The following LRRC4C variants were observed in gnomAD, a reference collection of about 807,000 sequenced individuals.
LRRC4C encodes leucine rich repeat containing 4C, also known as leucine-rich repeat-containing protein 4C.
Under a neutral mutation model 33.6 loss-of-function variants are expected in LRRC4C, and 5 were observed. The ratio of observed to expected loss-of-function variants is 0.15; its 90% CI spans 0.08 to 0.31. LRRC4C has a LOEUF of 0.31. Among genes scored for constraint, LRRC4C ranks in the 10% least tolerant of loss-of-function variants. The probability of loss-of-function intolerance (pLI) is 1.00; values close to 1 mark genes in which losing one functional copy is unlikely to be tolerated. For missense variants in LRRC4C, 560 were observed against 796.7 expected (o/e 0.70, Z 3.58); for synonymous variants, 329 against 302.0 (o/e 1.09, Z -0.93).
chr11:40,925,123 T>TTC (rs56945447), intron 2 of LRRC4C, among the ~76,000 whole-genome samples: 8,235 of 149,446 alleles, frequency 0.055, 295 homozygotes, highest in South Asian at 0.14. Flanking sequence ...CCCCAAATAT[T>TTC]TCTCTCTCTC....
chr11:40,992,890 A>C (rs1853684133), intron 1 of LRRC4C, among the ~76,000 whole-genome samples: 3 of 152,142 alleles, frequency 2.0e-5, no homozygotes, highest in Admixed American at 2.0e-4. Context: ...CTGATCTGCC[A>C]GTACAGACAA....
At chr11:40,917,929 T>C (rs1485086476) in intron 2 of LRRC4C, among the ~76,000 whole-genome samples, 1 of 152,122 alleles carries the variant, frequency 6.6e-6, no homozygotes, top group Non-Finnish European at 1.5e-5. Flanking sequence ...AAAAACAGTG[T>C]GGGTTTGACA....
chr11:40,530,568 T>C (rs958209672), intron 3 of LRRC4C, among the ~76,000 whole-genome samples: 4 of 152,186 alleles, frequency 2.6e-5, no homozygotes, highest in African/African-American at 9.6e-5. Context: ...TCAGTAACTA[T>C]AGACATTATT....
At chr11:40,722,298 C>T (rs1471742706) in intron 2 of LRRC4C, among the ~76,000 whole-genome samples, 1 of 152,050 alleles carries the variant, frequency 6.6e-6, no homozygotes, top group Non-Finnish European at 1.5e-5. Context: ...TCCTCTCCTC[C>T]CTAGAGAGAG....
chr11:40,515,818 G>A (rs1955537662), intron 3 of LRRC4C, among the ~76,000 whole-genome samples: 2 of 151,918 alleles, frequency 1.3e-5, no homozygotes, highest in African/African-American at 4.8e-5. Flanking sequence ...GAAGTACTGT[G>A]GCCAATAAAG....
At chr11:41,219,968 G>A (rs1190212576) in intron 1 of LRRC4C, among the ~76,000 whole-genome samples, 1 of 152,216 alleles carries the variant, frequency 6.6e-6, no homozygotes, top group East Asian at 1.9e-4. Flanking sequence ...AGGCATCATA[G>A]GGACCTATAT....
Position 40,570,174 on chromosome 11 carries a change from C to T in LRRC4C, c.-270+77968G>A, listed in dbSNP as rs577473033. Among the ~76,000 whole-genome samples, 6 of 151,956 alleles carry T rather than the reference C, an allele frequency of 3.9e-5. No individual in the cohort carries two copies. The South Asian group carries it at 1.2e-3, about 32-fold the overall frequency. On this transcript the variant is annotated intron_variant, in intron 3 of 6. Transcript: ENST00000528697. ...TAGGAAAACATGTACCAAAATAGTA[C>T]AATGTCTGAGTAGTGTAATTATATA...
intron 3 of LRRC4C, among the ~76,000 whole-genome samples, chr11:40,484,229 C>T (rs536544945): frequency 6.6e-6 from 1 of 152,160 alleles, no homozygotes; most frequent in Non-Finnish European, 1.5e-5. Context: ...GAAGATACCC[C>T]TCTACAAATG....
At chr11:40,750,200 T>C (rs1286369324) in intron 2 of LRRC4C, among the ~76,000 whole-genome samples, 6 of 151,940 alleles carry the variant, frequency 3.9e-5, no homozygotes, top group Non-Finnish European at 8.8e-5. Context: ...CCAATCTGGG[T>C]GACAGAGTGA....
intron 4 of LRRC4C, among the ~76,000 whole-genome samples, chr11:40,313,712 A>T (rs1398146185): frequency 7.3e-6 from 1 of 137,442 alleles, no homozygotes; most frequent in African/African-American, 2.8e-5. Flanking sequence ...GGTTCACGCC[A>T]TTCTCTTGCC....
At chr11:41,351,621 C>T (rs1951987367) in intron 1 of LRRC4C, among the ~76,000 whole-genome samples, 1 of 152,084 alleles carries the variant, frequency 6.6e-6, no homozygotes, top group African/African-American at 2.4e-5. Flanking sequence ...ACAAAGGGAA[C>T]CCCATCAGGC....
intron 4 of LRRC4C, among the ~76,000 whole-genome samples, chr11:40,248,317 T>C (rs1014944601): frequency 6.6e-6 from 1 of 152,202 alleles, no homozygotes; most frequent in Non-Finnish European, 1.5e-5. Context: ...TATTTCTCAC[T>C]CTATAGGCTA....
chr11:41,164,449 G>A (rs1944629404), intron 1 of LRRC4C, among the ~76,000 whole-genome samples: 1 of 151,898 alleles, frequency 6.6e-6, no homozygotes. Context: ...AGTAAAAGGA[G>A]AACACTCTAA....
chr11:41,051,520 C>CAAAAA (rs530003573), intron 1 of LRRC4C, among the ~76,000 whole-genome samples: 697 of 60,264 alleles, frequency 0.012, 91 homozygotes, highest in Middle Eastern at 0.015. Context: ...GGTCTCAAGG[C>CAAAAA]AAAAAAAAAA....
intron 3 of LRRC4C, among the ~76,000 whole-genome samples, chr11:40,608,286 T>C (rs990443985): frequency 1.3e-5 from 2 of 152,154 alleles, no homozygotes; most frequent in Non-Finnish European, 2.9e-5. Flanking sequence ...TTTTATGTAA[T>C]TGAAATTCAG....
In LRRC4C at chr11:40,571,377, A is replaced by G. The variant is rs7950970; in HGVS notation, c.-270+76765T>C. On this transcript the variant is annotated intron_variant, in intron 3 of 6. Coordinates refer to ENST00000528697, the MANE Select transcript of LRRC4C (RefSeq NM_001258419.2). Reference sequence around the variant, plus strand: ...GTATTGTAAATTTCACTGTTGAATAATAGTGTTTACAGAGAATTTTTATGC... The same window carrying G: ...GTATTGTAAATTTCACTGTTGAATAGTAGTGTTTACAGAGAATTTTTATGC... Among the ~76,000 whole-genome samples the G allele has an allele frequency of 9.3e-3, 1,409 of 152,258 alleles. 13 individuals are homozygous for G. The highest frequency in any genetic ancestry group is 0.027 in the South Asian group (128 of 4,824).
At chr11:41,324,483 A>G (rs1951049614) in intron 1 of LRRC4C, among the ~76,000 whole-genome samples, 1 of 152,234 alleles carries the variant, frequency 6.6e-6, no homozygotes, top group Non-Finnish European at 1.5e-5. Flanking sequence ...AGTTGAAACT[A>G]TAGTAAAACA....
chr11:41,363,409 T>C (rs750528263), intron 1 of LRRC4C, among the ~76,000 whole-genome samples: 6 of 152,222 alleles, frequency 3.9e-5, no homozygotes, highest in Non-Finnish European at 5.9e-5. Flanking sequence ...AGGAATCTGG[T>C]GCCAAATGTT....
intron 1 of LRRC4C, among the ~76,000 whole-genome samples, chr11:41,036,504 T>C (rs1044224361): frequency 1.3e-5 from 2 of 152,144 alleles, no homozygotes; most frequent in African/African-American, 4.8e-5. Flanking sequence ...TGCAAGAAGA[T>C]TCAATAATTC....
Sources: allele counts gnomAD v4.1 joint callset (sites outside exome capture counted in the v4.1 genomes callset), GRCh38; gene constraint gnomAD v4.1.1; transcripts MANE v1.5; gene names NCBI Gene and HGNC (gene_info 2026-07-23, HGNC 2026-07-21).